Variants in EYS observed in about 807,000 individuals in gnomAD.
The protein encoded by EYS is EGF-like photoreceptor maintenance factor, also known as protein eyes shut homolog.
EYS carries 250 observed loss-of-function variants against 282.1 expected under a neutral mutation model. That is an observed-to-expected ratio of 0.89 (90% CI 0.80 to 0.98). The LOEUF is 0.98. Ranked by LOEUF, EYS falls within the 50% of genes least tolerant of loss-of-function variation. The pLI is 0.00. For missense variants in EYS, 4,016 were observed against 3,709.0 expected (o/e 1.08, Z -2.15); for synonymous variants, 1,355 against 1,282.9 (o/e 1.06, Z -1.20).
chr6:65,102,658 C>G lies in EYS; in HGVS notation c.2024-44931G>C, dbSNP rs1283214853. Among the ~76,000 whole-genome samples the G allele has an allele frequency of 2.0e-5, 3 of 150,992 alleles. 1 individual carries two copies. The highest frequency in any genetic ancestry group is 4.5e-5 in the Non-Finnish European group (3 of 67,372). ...AGTTTAACAGGAATGAATTTCAGTT[C>G]AGGCTTGATAATTTCACACAGAGAA... On this transcript the variant is annotated intron_variant, in intron 12 of 42. Coordinates refer to ENST00000503581, the MANE Select transcript of EYS (RefSeq NM_001142800.2).
intron 22 of EYS, among the ~76,000 whole-genome samples, chr6:64,633,919 C>T (rs1031974679): frequency 6.6e-6 from 1 of 152,086 alleles, no homozygotes; most frequent in African/African-American, 2.4e-5. Context: ...CCAGCACCAC[C>T]CAGACAAGCT....
At chr6:63,928,495 A>G (rs776333471) in intron 35 of EYS, among the ~76,000 whole-genome samples, 5 of 151,038 alleles carry the variant, frequency 3.3e-5, no homozygotes, top group Admixed American at 6.6e-5. Flanking sequence ...GTAAGGAGGC[A>G]CAGGCATCTA....
At chr6:64,797,022 C>T (rs1323247556) in intron 22 of EYS, among the ~76,000 whole-genome samples, 1 of 152,066 alleles carries the variant, frequency 6.6e-6, no homozygotes, top group Non-Finnish European at 1.5e-5. Flanking sequence ...ACATCCATTT[C>T]TCCAGTATAC....
intron 35 of EYS, among the ~76,000 whole-genome samples, chr6:63,881,097 C>T (rs1433631096): frequency 6.6e-6 from 1 of 152,076 alleles, no homozygotes; most frequent in Non-Finnish European, 1.5e-5. Context: ...ACTTTCCCTG[C>T]TGTTTCAATA....
At chr6:65,058,569 G>C (rs1229419582) in intron 12 of EYS, among the ~76,000 whole-genome samples, 1 of 150,660 alleles carries the variant, frequency 6.6e-6, no homozygotes, top group Non-Finnish European at 1.5e-5. Context: ...ATGGTGCCAG[G>C]GTGATGAATT....
At chr6:63,783,666 G>A (rs1770292416) in intron 39 of EYS, among the ~76,000 whole-genome samples, 1 of 152,204 alleles carries the variant, frequency 6.6e-6, no homozygotes. Flanking sequence ...CAATGAGTGA[G>A]CTCAGAGAGT....
At chr6:64,286,340 C>A (rs1768499803) in intron 30 of EYS, among the ~76,000 whole-genome samples, 1 of 152,120 alleles carries the variant, frequency 6.6e-6, no homozygotes, top group South Asian at 2.1e-4. Flanking sequence ...AACCAATAGG[C>A]AGTATGACAC....
chr6:65,271,656 C>T (rs1021021626), intron 12 of EYS, among the ~76,000 whole-genome samples: 1 of 151,976 alleles, frequency 6.6e-6, no homozygotes. Context: ...GATCTCGGCT[C>T]ACTACATCCT....
intron 29 of EYS, among the ~76,000 whole-genome samples, chr6:64,361,887 C>T (rs980832094): frequency 6.6e-6 from 1 of 151,734 alleles, no homozygotes; most frequent in East Asian, 1.9e-4. Context: ...ATAGGCCATG[C>T]TATTATTATG....
chr6:63,961,061 C>T (rs114435700), intron 35 of EYS, among the ~76,000 whole-genome samples: 2,333 of 152,312 alleles, frequency 0.015, 60 homozygotes, highest in African/African-American at 0.053. Flanking sequence ...CCTGCTGCTA[C>T]AGCGAAATAA....
chr6:64,903,749 C>T (rs1767738402), intron 16 of EYS, among the ~76,000 whole-genome samples: 1 of 152,108 alleles, frequency 6.6e-6, no homozygotes, highest in Non-Finnish European at 1.5e-5. Context: ...TGACCTATTT[C>T]ATCTTTTCAT....
At chr6:64,596,407 G>A (rs1020038222) in intron 24 of EYS, among the ~76,000 whole-genome samples, 1 of 152,098 alleles carries the variant, frequency 6.6e-6, no homozygotes, top group Non-Finnish European at 1.5e-5. Context: ...AATAGCCAAA[G>A]CAATCCTAAG....
At chr6:65,199,359 A>T (rs1765845422) in intron 12 of EYS, among the ~76,000 whole-genome samples, 1 of 152,140 alleles carries the variant, frequency 6.6e-6, no homozygotes, top group Non-Finnish European at 1.5e-5. Context: ...ACCTGTCAGA[A>T]GTTTAAGAAA....
intron 28 of EYS, among the ~76,000 whole-genome samples, chr6:64,411,267 A>G (rs1773881332): frequency 6.6e-6 from 1 of 152,146 alleles, no homozygotes; most frequent in Non-Finnish European, 1.5e-5. Context: ...ACAGCATCAT[A>G]TAACACCATA....
rs139043541 is a variant in EYS at position 64,641,346 on chromosome 6, A to C, written c.3444-15101T>G. 4.7e-3 allele frequency among the ~76,000 whole-genome samples: 721 copies of C among 152,276 alleles called. 5 individuals are homozygous for C. The highest frequency in any genetic ancestry group is 0.016 in the African/African-American group (671 of 41,560). ...CAGGAAAGAACCTCCACCATAATTC[A>C]ATTGCCTCCCACCAGGTGCCTCCTA... On this transcript the variant is annotated intron_variant, in intron 22 of 42. Transcript: ENST00000503581.
At chr6:65,280,110 T>G (rs1768175345) in intron 12 of EYS, among the ~76,000 whole-genome samples, 1 of 152,164 alleles carries the variant, frequency 6.6e-6, no homozygotes, top group Admixed American at 6.5e-5. Context: ...TCTGCTCTTC[T>G]CAGAGGAGCT....
At chr6:63,820,369 T>C (rs1771290373) in intron 36 of EYS, among the ~76,000 whole-genome samples, 1 of 152,190 alleles carries the variant, frequency 6.6e-6, no homozygotes, top group African/African-American at 2.4e-5. Flanking sequence ...TGTTAATCCT[T>C]TGTCACCTCA....
chr6:64,816,518 A>C (rs555758423), intron 21 of EYS, among the ~76,000 whole-genome samples: 111 of 152,088 alleles, frequency 7.3e-4, no homozygotes, highest in Non-Finnish European at 1.3e-3. Flanking sequence ...GTTTGGGCTC[A>C]CTTTTGCATG....
intron 22 of EYS, among the ~76,000 whole-genome samples, chr6:64,635,690 G>T (rs1767951583): frequency 6.6e-6 from 1 of 152,138 alleles, no homozygotes; most frequent in Non-Finnish European, 1.5e-5. Flanking sequence ...GATCATGGTG[G>T]ATAAGTGTTT....
Sources: allele counts gnomAD v4.1 joint callset (sites outside exome capture counted in the v4.1 genomes callset), GRCh38; gene constraint gnomAD v4.1.1; transcripts MANE v1.5; gene names NCBI Gene and HGNC (gene_info 2026-07-23, HGNC 2026-07-21).